Variants in ASPH observed in about 807,000 individuals in gnomAD.
The protein encoded by ASPH is aspartate beta-hydroxylase, also known as aspartyl/asparaginyl beta-hydroxylase.
ASPH carries 100 observed loss-of-function variants against 118.4 expected under a neutral mutation model. The observed-to-expected ratio is 0.84, with a 90% CI of 0.72 to 1.00. The LOEUF is 1.00. Among genes scored for constraint, ASPH ranks in the 50% least tolerant of loss-of-function variants. ASPH has a pLI of 0.00. For synonymous variants in ASPH, 315 were observed against 325.6 expected, an observed-to-expected ratio of 0.97 and a Z score of 0.35; for missense variants, 920 against 919.5, an observed-to-expected ratio of 1.00 and a Z score of -0.01.
chr8:61,626,298 A>T, intron 13 of ASPH: 1 of 1,557,250 alleles, frequency 6.4e-7, no homozygotes, highest in Admixed American at 2.0e-5. Flanking sequence ...AATAAGGGGA[A>T]ATCTAAATTA....
chr8:61,626,236 G>C, intron 13 of ASPH: 1 of 1,536,662 alleles, frequency 6.5e-7, no homozygotes, highest in Admixed American at 2.2e-5. Context: ...GGTTAGGCTG[G>C]TCCTCCTGTG....
At chr8:61,616,471 CA>C (rs1849076079) in intron 14 of ASPH, among the ~76,000 whole-genome samples, 1 of 152,144 alleles carries the variant, frequency 6.6e-6, no homozygotes, top group Non-Finnish European at 1.5e-5. Context: ...TGTAAGAATG[CA>C]TTATAGTGAA....
rs765260258 is a variant in ASPH, at chr8:61,682,465, C to T, written c.254-1429G>A. On this transcript the variant is annotated intron_variant, in intron 2 of 24. Coordinates refer to ENST00000379454, the MANE Select transcript of ASPH (RefSeq NM_004318.4). ...TTGAAGCACCTCTGATAAGTTATAACGGAAGTCCTTTGCTTTGGCTGCATG... is the reference window on the plus strand; with the variant it reads ...TTGAAGCACCTCTGATAAGTTATAATGGAAGTCCTTTGCTTTGGCTGCATG... The T allele has an allele frequency of 5.6e-5, 90 of 1,612,580 alleles. No individual in the cohort carries two copies. In the Admixed American group the frequency reaches 9.0e-4, roughly 16 times the overall value.
chr8:61,675,243 A>C (rs1385165775), intron 3 of ASPH: 39 of 844,508 alleles, frequency 4.6e-5, no homozygotes, highest in Middle Eastern at 6.1e-4. Context: ...TGAAGGAAAA[A>C]ATGGAAAAAG....
At chr8:61,660,064 A>G (rs1192718367) in intron 3 of ASPH, 1 of 151,828 alleles carries the variant, frequency 6.6e-6, no homozygotes, top group Non-Finnish European at 1.5e-5. Flanking sequence ...ATTGCGTGAT[A>G]TTGAAATTTA....
In ASPH at chr8:61,665,337, G is replaced by A. The variant is rs370781874; in HGVS notation, c.323-11677C>T. ...CTTTCCTTTCTGTCATCTTTGTCTC[G>A]GGATGCCATTTTACTAGAAACATCC... On this transcript the variant is annotated intron_variant, in intron 3 of 24. Transcript: ENST00000379454. The A allele has an allele frequency of 8.1e-5, 131 of 1,613,348 alleles. No homozygotes were observed. The highest frequency in any genetic ancestry group is 6.2e-4 in the Admixed American group (37 of 59,954).
chr8:61,634,620 C>T (rs984029379), intron 12 of ASPH, among the ~76,000 whole-genome samples: 9 of 152,124 alleles, frequency 5.9e-5, no homozygotes, highest in African/African-American at 2.2e-4. Flanking sequence ...TAGTATCTGG[C>T]AATATTTTCT....
chr8:61,676,678 A>AG lies in ASPH; in HGVS notation c.322+4289dup, dbSNP rs1368600818. ...AGGAAGAGTGAGTAAAAGCAGTATC[A>AG]GGGAAAAAAAGATATATACTCTGAC... On this transcript the variant is annotated intron_variant, in intron 3 of 24. Transcript: ENST00000379454. Among the ~76,000 whole-genome samples, 137 of 152,288 alleles carry AG rather than the reference A, an allele frequency of 9.0e-4. 1 individual carries two copies. The highest frequency in any genetic ancestry group is 5.1e-4 in the Non-Finnish European group (35 of 68,014).
intron 1 of ASPH, among the ~76,000 whole-genome samples, chr8:61,693,108 G>A (rs1833049383): frequency 6.6e-6 from 1 of 152,034 alleles, no homozygotes; most frequent in Non-Finnish European, 1.5e-5. Flanking sequence ...CATGCTCAGG[G>A]AAGTCTTCTA....
chr8:61,675,470 T>TG (rs761159935), intron 3 of ASPH: 2 of 983,944 alleles, frequency 2.0e-6, no homozygotes, highest in East Asian at 1.1e-4. Flanking sequence ...GGCAAAAACA[T>TG]GGAGTTATTT....
intron 3 of ASPH, chr8:61,668,090 C>T (rs1820602486): frequency 1.5e-6 from 1 of 688,212 alleles, no homozygotes; most frequent in African/African-American, 1.9e-5. Context: ...GATAAAACTA[C>T]TTATAACCTA....
intron 14 of ASPH, among the ~76,000 whole-genome samples, chr8:61,596,220 G>A (rs532796536): frequency 2.6e-5 from 4 of 152,286 alleles, no homozygotes; most frequent in Non-Finnish European, 5.9e-5. Context: ...ACTGGCACCT[G>A]TGCATGCCTT....
intron 21 of ASPH, among the ~76,000 whole-genome samples, chr8:61,527,910 T>C (rs949853414): frequency 1.3e-5 from 2 of 152,210 alleles, no homozygotes; most frequent in Non-Finnish European, 1.5e-5. Context: ...AAACTGTTCT[T>C]TGACTTGGTT....
chr8:61,539,699 G>GGGGGGTGTGTGTGTGT (rs1554618405), intron 21 of ASPH, among the ~76,000 whole-genome samples: 69 of 124,214 alleles, frequency 5.6e-4, no homozygotes, highest in African/African-American at 9.2e-4. Context: ...ACACTTCTGG[G>GGGGGGTGTGTGTGTGT]GTGTGTGTGT....
intron 14 of ASPH, among the ~76,000 whole-genome samples, chr8:61,615,254 C>G (rs779729392): frequency 1.3e-5 from 2 of 152,244 alleles, no homozygotes; most frequent in East Asian, 3.9e-4. Flanking sequence ...CCCCAAGTCT[C>G]GGAACTCTTC....
rs3765162 is a variant in ASPH, at chr8:61,646,574, C to T, written c.619+176G>A. On this transcript the variant is annotated intron_variant, in intron 6 of 24. Transcript: ENST00000379454. ...AGTTTCCCTGAAAAGTGCTTTGAAC[C>T]AAAATCAAGGTATCTATTTTAAGAA... is the stretch of plus-strand genomic sequence containing the variant. Among the ~76,000 whole-genome samples the T allele has an allele frequency of 0.18, 27,767 of 152,054 alleles. 2,674 individuals carry two copies. The highest frequency in any genetic ancestry group is 0.35 in the South Asian group (1,686 of 4,828).
chr8:61,574,057 C>G (rs1448636887), intron 16 of ASPH, among the ~76,000 whole-genome samples: 1 of 152,204 alleles, frequency 6.6e-6, no homozygotes, highest in Non-Finnish European at 1.5e-5. Context: ...ACAGACACTT[C>G]TCAAAAGAAG....
At chr8:61,684,209 G>T in intron 1 of ASPH, 21 bp from the exon 2 acceptor site, 1 of 1,590,284 alleles carries the variant, frequency 6.3e-7, no homozygotes, top group Non-Finnish European at 8.6e-7. Flanking sequence ...ATAAATGTAA[G>T]ATATCATAAG....
intron 21 of ASPH, among the ~76,000 whole-genome samples, chr8:61,539,908 A>G (rs1821228703): frequency 6.6e-6 from 1 of 151,958 alleles, no homozygotes; most frequent in Admixed American, 6.6e-5. Flanking sequence ...GAAGAGCAAA[A>G]CTCTTAAGCT....
Sources: allele counts gnomAD v4.1 joint callset (sites outside exome capture counted in the v4.1 genomes callset), GRCh38; gene constraint gnomAD v4.1.1; transcripts MANE v1.5; gene names NCBI Gene and HGNC (gene_info 2026-07-23, HGNC 2026-07-21).